Variants in CDC42BPA observed in about 807,000 individuals in gnomAD.
CDC42BPA encodes CDC42 binding protein kinase alpha.
CDC42BPA carries 80 observed loss-of-function variants against 223.5 expected under a neutral mutation model. The ratio of observed to expected loss-of-function variants is 0.36; its 90% confidence interval spans 0.30 to 0.43. CDC42BPA has a LOEUF of 0.43. CDC42BPA is among the 20% of genes least tolerant of loss of function. The pLI, the probability that CDC42BPA is intolerant of heterozygous loss-of-function variation, is 1.00. For missense variants in CDC42BPA, 1,743 were observed against 2,099.9 expected (o/e 0.83, Z 3.32); for synonymous variants, 694 against 718.6 (o/e 0.97, Z 0.55).
At chr1:227,175,723 C>G (rs956788449) in intron 5 of CDC42BPA, among the ~76,000 whole-genome samples, 27 of 152,152 alleles carry the variant, frequency 1.8e-4, no homozygotes, top group Admixed American at 3.9e-4. Context: ...ATCCTTCAAA[C>G]ATGACCCTAA....
In CDC42BPA at chr1:227,270,288, TA is replaced by T. The variant is rs373508003; in HGVS notation, c.179-16134del. Among the ~76,000 whole-genome samples, 626 of 152,300 alleles carry T rather than the reference TA, an allele frequency of 4.1e-3. 6 individuals are homozygous for T. Among genetic ancestry groups the T allele is most frequent in the African/African-American group, 0.015 (607 of 41,566 alleles). On this transcript the variant is annotated intron_variant, in intron 1 of 36. Coordinates refer to ENST00000366766, the MANE Select transcript of CDC42BPA (RefSeq NM_001394014.1). Reference sequence around the variant, plus strand: ...TAAGTAAATGCATAGGAAGAGGGTCTAAAAGGATACATGTCAAACAATTAAG... The same window carrying T: ...TAAGTAAATGCATAGGAAGAGGGTCTAAAGGATACATGTCAAACAATTAAG...
intron 2 of CDC42BPA, among the ~76,000 whole-genome samples, chr1:227,228,511 A>G (rs1377781179): frequency 6.6e-6 from 1 of 152,172 alleles, no homozygotes; most frequent in Non-Finnish European, 1.5e-5. Context: ...TTTTGTGTGT[A>G]CCTACATTTT....
At chr1:227,269,563 C>A (rs1239862363) in intron 1 of CDC42BPA, among the ~76,000 whole-genome samples, 3 of 151,682 alleles carry the variant, frequency 2.0e-5, no homozygotes, top group Non-Finnish European at 4.4e-5. Context: ...AAAGATAACA[C>A]GAACAAAGTT....
At chr1:227,298,784 G>C (rs1433011730) in intron 1 of CDC42BPA, among the ~76,000 whole-genome samples, 1 of 152,128 alleles carries the variant, frequency 6.6e-6, no homozygotes, top group Admixed American at 6.6e-5. Flanking sequence ...TTACAGAGAA[G>C]AAAGCACATG....
At chr1:227,245,636 C>T (rs1913345) in intron 2 of CDC42BPA, among the ~76,000 whole-genome samples, 46,768 of 151,998 alleles carry the variant, frequency 0.31, 7,370 homozygotes, top group East Asian at 0.37. Context: ...CACACTAGAA[C>T]AGAGCACCAG....
At chr1:227,302,101 T>C (rs75375877) in intron 1 of CDC42BPA, among the ~76,000 whole-genome samples, 4,388 of 152,276 alleles carry the variant, frequency 0.029, 106 homozygotes, top group Non-Finnish European at 0.037. Context: ...AAGTTGTCAT[T>C]TTGTATTCTC....
At chr1:227,002,201 G>C (rs1663005541) in intron 35 of CDC42BPA, among the ~76,000 whole-genome samples, 1 of 152,166 alleles carries the variant, frequency 6.6e-6, no homozygotes, top group Non-Finnish European at 1.5e-5. Flanking sequence ...TTTCAGGTAA[G>C]GAATTATGGA....
intron 11 of CDC42BPA, among the ~76,000 whole-genome samples, chr1:227,120,155 C>T (rs1688406605): frequency 6.7e-6 from 1 of 150,270 alleles, no homozygotes; most frequent in Non-Finnish European, 1.5e-5. Flanking sequence ...GCAACAATGC[C>T]TTACATACTC....
Position 227,254,100 on chromosome 1 carries a change from T to G in CDC42BPA, c.234A>C (p.Glu78Asp). The G allele has an allele frequency of 6.2e-7, 1 of 1,602,976 alleles. No homozygotes were observed. The change falls in exon 2 of 37, where the codon GAA becomes GAC. Residue 78 changes from glutamate to aspartate, a missense_variant. Physicochemically the swap from Glu to Asp is conservative, Grantham distance 45. Around this residue, in one of 6 missense-constraint regions of CDC42BPA, gnomAD observed 321 missense variants for 488.7 expected, o/e 0.66. Coordinates refer to ENST00000366766, the MANE Select transcript of CDC42BPA (RefSeq NM_001394014.1). The stretch of plus-strand genomic sequence containing the variant: ...CTCCTCGACCAATCACCTTTAATAT[T>G]TCAAAGTCTTCTCTATGTAATCGCA... ...KQMRLHREDF[E>D]ILKVIGRGAF...
chr1:227,059,336 C>A, intron 21 of CDC42BPA: 1 of 1,541,746 alleles, frequency 6.5e-7, no homozygotes, highest in East Asian at 2.4e-5. Context: ...GGGTAAAAGG[C>A]CTCAGGATGG....
At chr1:227,040,811 T>C (rs777678551) in intron 23 of CDC42BPA, among the ~76,000 whole-genome samples, 2 of 152,200 alleles carry the variant, frequency 1.3e-5, no homozygotes, top group Non-Finnish European at 2.9e-5. Flanking sequence ...AGATGGCAGA[T>C]TGAAATTTCT....
At chr1:227,054,427 G>C (rs1266908918) in intron 21 of CDC42BPA, among the ~76,000 whole-genome samples, 1 of 152,120 alleles carries the variant, frequency 6.6e-6, no homozygotes, top group Non-Finnish European at 1.5e-5. Flanking sequence ...ACTGCCTTAA[G>C]CCATTTTGTC....
At position 227,147,581 on chromosome 1, in the gene CDC42BPA, T is replaced by C. The variant is rs775650803; in HGVS notation, c.694-22A>G. ...GAACCTGAAGAAATTTACATTTTTA[T>C]TAATCTCCTATATTAGAAATAAAAT... On this transcript the variant is annotated intron_variant, in intron 6 of 36. Transcript: ENST00000366766. 28 of 1,371,288 alleles carry C rather than the reference T, an allele frequency of 2.0e-5. No individual in the cohort carries two copies. The South Asian group carries it at 3.6e-4, about 18-fold the overall frequency. 84.9% of individuals were successfully genotyped at this position (1,371,288 alleles called of 1,614,324 possible).
chr1:227,313,267 C>T (rs773674972), intron 1 of CDC42BPA, among the ~76,000 whole-genome samples: 8 of 152,138 alleles, frequency 5.3e-5, no homozygotes, highest in Admixed American at 2.0e-4. Context: ...GTTCACTCTA[C>T]TTTATAGGGA....
chr1:227,210,955 T>C (rs1163848167), intron 3 of CDC42BPA, among the ~76,000 whole-genome samples: 1 of 152,186 alleles, frequency 6.6e-6, no homozygotes, highest in Admixed American at 6.6e-5. Flanking sequence ...GAGCCATTTC[T>C]GCTACAGAGC....
rs73089759 is a variant in CDC42BPA at position 227,045,869 on chromosome 1, C to T, written c.3093+2058G>A. ...TCACTGAGGCTGGAGTTTAGTGGTG[C>T]GATCTCAGCTCACTGCAGCCTTGAC... On this transcript the variant is annotated intron_variant, in intron 23 of 36. Coordinates refer to ENST00000366766, the MANE Select transcript of CDC42BPA (RefSeq NM_001394014.1). 4.7e-3 allele frequency among the ~76,000 whole-genome samples: 721 copies of T among 152,174 alleles called. 8 individuals carry two copies. Among genetic ancestry groups the T allele is most frequent in the African/African-American group, 0.016 (680 of 41,508 alleles).
intron 8 of CDC42BPA, among the ~76,000 whole-genome samples, chr1:227,143,839 A>G (rs1660161671): frequency 6.6e-6 from 1 of 152,246 alleles, no homozygotes; most frequent in Non-Finnish European, 1.5e-5. Flanking sequence ...GTTCAATATT[A>G]GCTAACAGTG....
intron 21 of CDC42BPA, among the ~76,000 whole-genome samples, chr1:227,053,021 T>C (rs1673857391): frequency 6.6e-6 from 1 of 152,206 alleles, no homozygotes; most frequent in Non-Finnish European, 1.5e-5. Context: ...TAGAAACACT[T>C]GGAAAAGAAG....
At chr1:227,052,234 T>C (rs191035569) in intron 21 of CDC42BPA, among the ~76,000 whole-genome samples, 1 of 152,344 alleles carries the variant, frequency 6.6e-6, no homozygotes, top group Admixed American at 6.5e-5. Context: ...GTTGATCTGT[T>C]ACTTTGAGCC....
Sources: allele counts gnomAD v4.1 joint callset (sites outside exome capture counted in the v4.1 genomes callset), GRCh38; gene constraint gnomAD v4.1.1; regional missense constraint gnomAD v4.1.1; transcripts MANE v1.5; gene names NCBI Gene and HGNC (gene_info 2026-07-23, HGNC 2026-07-21).